Variants in SLIT3 observed in about 807,000 individuals in gnomAD.
SLIT3 encodes slit guidance ligand 3, also known as slit homolog 3 protein.
SLIT3 carries 68 observed loss-of-function variants against 184.0 expected under a neutral mutation model. The ratio of observed to expected loss-of-function variants is 0.37; its 90% CI spans 0.30 to 0.45. The LOEUF is 0.45. Ranked by LOEUF, SLIT3 falls within the 20% of genes least tolerant of loss-of-function variation. The probability of loss-of-function intolerance (pLI) is 1.00; values close to 1 mark genes in which losing one functional copy is unlikely to be tolerated. For missense variants in SLIT3, 1,707 were observed against 2,026.0 expected, an observed-to-expected ratio of 0.84 and a Z score of 3.02; for synonymous variants, 831 against 828.6, an observed-to-expected ratio of 1.00 and a Z score of -0.05.
chr5:168,705,786 A>C (rs1327956768), intron 26 of SLIT3, among the ~76,000 whole-genome samples: 1 of 152,212 alleles, frequency 6.6e-6, no homozygotes, highest in Non-Finnish European at 1.5e-5. Context: ...TAGCTGGAAG[A>C]AGCCTGGACT....
rs547821753 is a variant in SLIT3 at position 169,162,552 on chromosome 5, A to G, written c.413+30927T>C. 5.3e-5 allele frequency among the ~76,000 whole-genome samples: 8 copies of G among 152,332 alleles called. No homozygotes were observed. In the South Asian group the frequency reaches 1.7e-3, roughly 32 times the overall value. On this transcript the variant is annotated intron_variant, in intron 4 of 35. Transcript: ENST00000519560. Reference sequence around the variant, plus strand: ...ATGTGAGCTTCCTGCCCTGCAAAGCATATTCCCTAATTATCAAAACCAGAC... The same window carrying G: ...ATGTGAGCTTCCTGCCCTGCAAAGCGTATTCCCTAATTATCAAAACCAGAC...
At chr5:168,931,161 C>T (rs1471138627) in intron 4 of SLIT3, among the ~76,000 whole-genome samples, 1 of 152,196 alleles carries the variant, frequency 6.6e-6, no homozygotes, top group African/African-American at 2.4e-5. Context: ...AGGCATAGAT[C>T]AAACTCCCTA....
intron 4 of SLIT3, among the ~76,000 whole-genome samples, chr5:168,969,221 C>G (rs1434988483): frequency 6.6e-6 from 1 of 152,170 alleles, no homozygotes; most frequent in Non-Finnish European, 1.5e-5. Context: ...GCCAATTCCT[C>G]TATTTTCTCT....
chr5:169,087,837 A>G (rs762567813), intron 4 of SLIT3, among the ~76,000 whole-genome samples: 8 of 152,208 alleles, frequency 5.3e-5, no homozygotes, highest in Non-Finnish European at 1.0e-4. Flanking sequence ...TGTATTTTTT[A>G]TAATTTTCAC....
chr5:168,769,759 T>A (rs1755479166), intron 14 of SLIT3, among the ~76,000 whole-genome samples: 1 of 152,192 alleles, frequency 6.6e-6, no homozygotes, highest in Non-Finnish European at 1.5e-5. Flanking sequence ...TTTGGTTTCT[T>A]CCTACAAAAA....
At chr5:169,226,015 T>A (rs944951919) in intron 3 of SLIT3, among the ~76,000 whole-genome samples, 3 of 152,004 alleles carry the variant, frequency 2.0e-5, no homozygotes, top group African/African-American at 7.3e-5. Flanking sequence ...GCGGATGAGA[T>A]CAGCACAGTG....
intron 4 of SLIT3, among the ~76,000 whole-genome samples, chr5:169,048,123 C>T (rs916363915): frequency 6.6e-6 from 1 of 152,168 alleles, no homozygotes; most frequent in African/African-American, 2.4e-5. Flanking sequence ...AAAATTCAAG[C>T]TAGAAAGGAG....
chr5:168,804,309 T>C (rs1485167251), intron 9 of SLIT3, among the ~76,000 whole-genome samples: 1 of 15,750 alleles, frequency 6.3e-5, no homozygotes, highest in South Asian at 2.8e-3. Context: ...AAACTCTTTC[T>C]CAAAAAAAAA....
chr5:168,706,784 C>T (rs565068333), intron 26 of SLIT3: 1 of 152,290 alleles, frequency 6.6e-6, no homozygotes, highest in Admixed American at 6.5e-5. Context: ...AGAAGCACAG[C>T]CATCGTCTAG....
chr5:169,086,244 C>CA (rs1759292980), intron 4 of SLIT3, among the ~76,000 whole-genome samples: 1 of 152,202 alleles, frequency 6.6e-6, no homozygotes, highest in Non-Finnish European at 1.5e-5. Flanking sequence ...TGCAAGATGG[C>CA]AAGCAGCAAG....
intron 3 of SLIT3, among the ~76,000 whole-genome samples, chr5:169,197,963 C>A (rs1430998530): frequency 6.6e-6 from 1 of 152,106 alleles, no homozygotes; most frequent in Non-Finnish European, 1.5e-5. Flanking sequence ...GAAGTTTTTG[C>A]CACTTCATCG....
intron 12 of SLIT3, among the ~76,000 whole-genome samples, chr5:168,784,792 TC>T (rs1259847661): frequency 6.6e-6 from 1 of 152,146 alleles, no homozygotes; most frequent in African/African-American, 2.4e-5. Context: ...CTGTGGGTCC[TC>T]TGAACTTTAC....
intron 3 of SLIT3, among the ~76,000 whole-genome samples, chr5:169,237,449 T>C (rs1304247165): frequency 3.9e-5 from 6 of 152,208 alleles, no homozygotes; most frequent in Admixed American, 2.6e-4. Flanking sequence ...ATCTGGATTG[T>C]ATAAGACTAT....
In SLIT3 at chr5:169,179,509, C is replaced by A. The variant is rs564572830; in HGVS notation, c.413+13970G>T. ...CAGATCTTTGAAACTGCATCAAAAA[C>A]AACATTCCCCTCCCCAGCTCTCAGT... is the stretch of plus-strand genomic sequence containing the variant. On this transcript the variant is annotated intron_variant, in intron 4 of 35. Coordinates refer to ENST00000519560, the MANE Select transcript of SLIT3 (RefSeq NM_003062.4). Among the ~76,000 whole-genome samples, 2 of 152,172 alleles carry A rather than the reference C, an allele frequency of 1.3e-5. 1 individual carries two copies. Among genetic ancestry groups the A allele is most frequent in the South Asian group, 4.1e-4 (2 of 4,828 alleles).
intron 4 of SLIT3, among the ~76,000 whole-genome samples, chr5:169,130,556 G>A (rs945518198): frequency 1.3e-5 from 2 of 152,152 alleles, no homozygotes; most frequent in Non-Finnish European, 2.9e-5. Flanking sequence ...GCATCATCAG[G>A]GTCGTGAGGT....
At chr5:168,720,457 CTAAT>C (rs1762907521) in intron 23 of SLIT3, 1 of 152,218 alleles carries the variant, frequency 6.6e-6, no homozygotes, top group South Asian at 2.1e-4. Context: ...CATCACTACT[CTAAT>C]TATGAACAGA....
intron 4 of SLIT3, among the ~76,000 whole-genome samples, chr5:169,179,313 TTTTG>T (rs1041103018): frequency 1.3e-5 from 2 of 149,914 alleles, no homozygotes; most frequent in Admixed American, 1.3e-4. Context: ...AAGGCTTGGT[TTTTG>T]TTTGAGTCTC....
rs1760865770 is a variant in SLIT3 at position 168,661,891 on chromosome 5, T to C, written c.*4563A>G. On this transcript the variant is annotated 3_prime_UTR_variant, in exon 36 of 36. Transcript: ENST00000519560. ...GCCACTATAACATTGTTTTAAAAAA[T>C]CTTCAAAAATTTCCTATTAGAACCT... 1 of 152,208 alleles carries C rather than the reference T, an allele frequency of 6.6e-6. No individual in the cohort carries two copies. Among genetic ancestry groups the C allele is most frequent in the South Asian group, 2.1e-4 (1 of 4,830 alleles). The allele number at this position is 152,208 out of a possible 1,614,324, so 9.4% of individuals were successfully genotyped here.
At chr5:169,137,121 T>C (rs1434728209) in intron 4 of SLIT3, among the ~76,000 whole-genome samples, 1 of 152,020 alleles carries the variant, frequency 6.6e-6, no homozygotes, top group East Asian at 1.9e-4. Flanking sequence ...TCATGACAGG[T>C]CTTCTGTGGA....
Sources: allele counts gnomAD v4.1 joint callset (sites outside exome capture counted in the v4.1 genomes callset), GRCh38; gene constraint gnomAD v4.1.1; transcripts MANE v1.5; gene names NCBI Gene and HGNC (gene_info 2026-07-23, HGNC 2026-07-21).